The following MGAT4C variants were observed in gnomAD, a reference collection of about 807,000 sequenced individuals.
The protein encoded by MGAT4C is MGAT4 family member C.
Under a neutral mutation model 40.1 loss-of-function variants are expected in MGAT4C, and 19 were observed. That is an observed-to-expected ratio of 0.47 (90% confidence interval 0.33 to 0.70). The LOEUF (loss-of-function observed/expected upper bound fraction) is 0.70, where lower values mean the gene tolerates loss of function less well. Among genes scored for constraint, MGAT4C ranks in the 30% least tolerant of loss-of-function variants. The pLI is 0.02. For missense variants in MGAT4C, 491 were observed against 563.2 expected (o/e 0.87, Z 1.30); for synonymous variants, 181 against 187.1 (o/e 0.97, Z 0.27).
chr12:86,662,195 A>G (rs1963995169), intron 2 of MGAT4C, among the ~76,000 whole-genome samples: 1 of 152,186 alleles, frequency 6.6e-6, no homozygotes, highest in Non-Finnish European at 1.5e-5. Flanking sequence ...ATGCTCAGAA[A>G]ATCAGAGCAA....
At chr12:86,614,334 T>C (rs191801460) in intron 2 of MGAT4C, among the ~76,000 whole-genome samples, 1 of 152,250 alleles carries the variant, frequency 6.6e-6, no homozygotes, top group African/African-American at 2.4e-5. Flanking sequence ...CAATAGAACA[T>C]AGCACTTTGA....
At chr12:86,658,648 ACT>A (rs995086918) in intron 2 of MGAT4C, among the ~76,000 whole-genome samples, 1 of 151,872 alleles carries the variant, frequency 6.6e-6, no homozygotes, top group African/African-American at 2.4e-5. Context: ...AGCCTCACAA[ACT>A]CTCTCTTCTA....
intron 1 of MGAT4C, among the ~76,000 whole-genome samples, chr12:86,126,817 G>T (rs1421457828): frequency 6.6e-6 from 1 of 152,140 alleles, no homozygotes; most frequent in East Asian, 1.9e-4. Flanking sequence ...TAGCCCAGGG[G>T]TCCCCAAACT....
intron 2 of MGAT4C, among the ~76,000 whole-genome samples, chr12:86,589,155 GC>G (rs1961208456): frequency 6.6e-6 from 1 of 151,860 alleles, no homozygotes. Flanking sequence ...TAGACCGCTG[GC>G]AAGACTAATA....
In MGAT4C at chr12:86,169,247, A is replaced by G. The variant is rs375846778; in HGVS notation, c.-57+86992T>C. On this transcript the variant is annotated intron_variant, in intron 1 of 4. Coordinates refer to ENST00000611864, the MANE Select transcript of MGAT4C (RefSeq NM_001351288.2). Reference sequence around the variant, plus strand: ...TAAAGATGAAGGCAAAAAACCATGCAAGGGTTTCTTCATGTCTTGGGTCTT... The same window carrying G: ...TAAAGATGAAGGCAAAAAACCATGCGAGGGTTTCTTCATGTCTTGGGTCTT... Among the ~76,000 whole-genome samples, 29 of 152,226 alleles carry G rather than the reference A, an allele frequency of 1.9e-4. 1 individual carries two copies. The highest frequency in any genetic ancestry group is 7.0e-4 in the African/African-American group (29 of 41,540).
intron 1 of MGAT4C, among the ~76,000 whole-genome samples, chr12:86,115,075 A>G (rs1878164629): frequency 6.6e-6 from 1 of 152,104 alleles, no homozygotes; most frequent in Non-Finnish European, 1.5e-5. Context: ...AATCTCAAAG[A>G]TGTGGGTAAC....
intron 2 of MGAT4C, among the ~76,000 whole-genome samples, chr12:86,598,092 C>T (rs1364284053): frequency 6.6e-6 from 1 of 151,978 alleles, no homozygotes; most frequent in African/African-American, 2.4e-5. Context: ...TTTACTTTAC[C>T]ATACTTTTAC....
chr12:86,544,440 T>G (rs1193947906), intron 2 of MGAT4C, among the ~76,000 whole-genome samples: 1 of 152,206 alleles, frequency 6.6e-6, no homozygotes, highest in African/African-American at 2.4e-5. Context: ...AACATTTTGA[T>G]GTTTATTTCT....
intron 1 of MGAT4C, among the ~76,000 whole-genome samples, chr12:86,766,832 C>A (rs1951519078): frequency 6.6e-6 from 1 of 151,792 alleles, no homozygotes; most frequent in Admixed American, 6.6e-5. Flanking sequence ...AGAACAAAGA[C>A]ACAACATACC....
chr12:86,005,086 A>G (rs1592665335), intron 2 of MGAT4C, among the ~76,000 whole-genome samples: 1 of 152,250 alleles, frequency 6.6e-6, no homozygotes, highest in East Asian at 1.9e-4. Context: ...TGCCTATAAA[A>G]CCTGCCCCAG....
At chr12:86,097,185 C>T (rs1368490128) in intron 1 of MGAT4C, among the ~76,000 whole-genome samples, 3 of 151,588 alleles carry the variant, frequency 2.0e-5, no homozygotes, top group African/African-American at 7.2e-5. Flanking sequence ...TAAATAAGTC[C>T]TGATTCAACA....
intron 2 of MGAT4C, among the ~76,000 whole-genome samples, chr12:86,459,306 C>T (rs1476367730): frequency 6.6e-6 from 1 of 151,986 alleles, no homozygotes; most frequent in Non-Finnish European, 1.5e-5. Context: ...AATAGAATGG[C>T]AATATCACTC....
At chr12:86,033,274 A>G (rs1890923968) in intron 2 of MGAT4C, among the ~76,000 whole-genome samples, 1 of 149,550 alleles carries the variant, frequency 6.7e-6, no homozygotes, top group Non-Finnish European at 1.5e-5. Context: ...ATGACTTTTC[A>G]GATAGTTTTC....
chr12:86,818,183 T>C (rs548643101), intron 1 of MGAT4C, among the ~76,000 whole-genome samples: 1 of 151,294 alleles, frequency 6.6e-6, no homozygotes, highest in Non-Finnish European at 1.5e-5. Flanking sequence ...AGACAAAATT[T>C]CCATCATGAA....
intron 3 of MGAT4C, among the ~76,000 whole-genome samples, chr12:86,432,900 T>C (rs1451276829): frequency 1.3e-5 from 2 of 152,110 alleles, no homozygotes; most frequent in African/African-American, 4.8e-5. Flanking sequence ...ACTTTTTTTT[T>C]CATAAAATTG....
chr12:86,250,346 AGAGAGAG>A (rs1952222619), intron 1 of MGAT4C, among the ~76,000 whole-genome samples: 4 of 149,738 alleles, frequency 2.7e-5, no homozygotes, highest in Non-Finnish European at 5.9e-5. Context: ...AGAGAGAGAG[AGAGAGAG>A]AGAGAGAGAG....
intron 2 of MGAT4C, among the ~76,000 whole-genome samples, chr12:86,685,873 T>G (rs1217326638): frequency 6.6e-6 from 1 of 151,236 alleles, no homozygotes; most frequent in Non-Finnish European, 1.5e-5. Context: ...ATTTTTTTTT[T>G]TTTTTTGGAG....
chr12:86,382,942 C>T (rs4842650), intron 3 of MGAT4C, among the ~76,000 whole-genome samples: 13,909 of 152,264 alleles, frequency 0.091, 797 homozygotes, highest in Middle Eastern at 0.22. Flanking sequence ...GAATCTCTGC[C>T]AGGGCAGTGC....
chr12:86,779,026 A>T (rs928303556), intron 1 of MGAT4C, among the ~76,000 whole-genome samples: 13 of 149,406 alleles, frequency 8.7e-5, no homozygotes, highest in Admixed American at 1.3e-4. Flanking sequence ...AAAAAAAAAC[A>T]ACTGTTATTT....
Sources: gnomAD v4.1 joint callset for allele counts (sites outside exome capture counted in the v4.1 genomes callset) on GRCh38, gnomAD v4.1.1 for gene constraint, MANE v1.5 for transcripts, NCBI Gene and HGNC (gene_info 2026-07-23, HGNC 2026-07-21) for gene names.